The following GRIK2 variants were observed in gnomAD, a reference collection of about 807,000 sequenced individuals.
GRIK2 encodes the protein glutamate ionotropic receptor kainate type subunit 2.
GRIK2 carries 32 observed loss-of-function variants against 100.3 expected under a neutral mutation model. The observed-to-expected ratio is 0.32, with a 90% CI of 0.24 to 0.43. The LOEUF (loss-of-function observed/expected upper bound fraction) is 0.43, where lower values mean the gene tolerates loss of function less well. Among genes scored for constraint, GRIK2 ranks in the 20% least tolerant of loss-of-function variants. The pLI is 1.00. For missense variants in GRIK2, 843 were observed against 1,114.9 expected, an observed-to-expected ratio of 0.76 and a Z score of 3.47; for synonymous variants, 417 against 389.4, an observed-to-expected ratio of 1.07 and a Z score of -0.83.
intron 14 of GRIK2, among the ~76,000 whole-genome samples, chr6:102,021,221 T>C (rs987181522): frequency 2.6e-5 from 4 of 151,778 alleles, no homozygotes; most frequent in Admixed American, 2.0e-4. Context: ...ATGTTGTTAT[T>C]ACTGGCATTG....
At chr6:101,755,545 A>G (rs1238452856) in intron 7 of GRIK2, among the ~76,000 whole-genome samples, 3 of 152,150 alleles carry the variant, frequency 2.0e-5, no homozygotes, top group Non-Finnish European at 4.4e-5. Flanking sequence ...GACTCTAGAG[A>G]GTTTTCGAGA....
intron 14 of GRIK2, among the ~76,000 whole-genome samples, chr6:101,996,926 C>T (rs1468208389): frequency 1.3e-5 from 2 of 152,114 alleles, no homozygotes; most frequent in African/African-American, 4.8e-5. Flanking sequence ...GGATGTAACT[C>T]AATTAAAAAT....
At chr6:101,823,952 C>A (rs1374575682) in intron 10 of GRIK2, among the ~76,000 whole-genome samples, 1 of 151,160 alleles carries the variant, frequency 6.6e-6, no homozygotes, top group Non-Finnish European at 1.5e-5. Context: ...ACTGCAACCT[C>A]CGCCTCCCAT....
chr6:102,042,696 G>C (rs1770655247), intron 15 of GRIK2, among the ~76,000 whole-genome samples: 2 of 151,578 alleles, frequency 1.3e-5, no homozygotes, highest in South Asian at 4.1e-4. Flanking sequence ...TTGGAAAAAA[G>C]CATAATAGTA....
chr6:101,588,047 G>A lies in GRIK2; in HGVS notation c.116-33902G>A, dbSNP rs78679249. Among the ~76,000 whole-genome samples the A allele has an allele frequency of 1.5e-3, 225 of 152,172 alleles. 1 individual carries two copies. The highest frequency in any genetic ancestry group is 5.3e-3 in the African/African-American group (220 of 41,538). ...ACAAGAGGAATAAGAGGGTATCATG[G>A]GTAAGATCAGTACAAGCATTCTCAG... On this transcript the variant is annotated intron_variant, in intron 2 of 16. Coordinates refer to ENST00000369134, the MANE Select transcript of GRIK2 (RefSeq NM_021956.5).
At chr6:101,812,700 T>C (rs751536573) in intron 9 of GRIK2, among the ~76,000 whole-genome samples, 7 of 152,032 alleles carry the variant, frequency 4.6e-5, no homozygotes, top group Non-Finnish European at 8.8e-5. Context: ...ATGATACTTA[T>C]TGTAGTAAGT....
intron 14 of GRIK2, among the ~76,000 whole-genome samples, chr6:102,029,132 G>A (rs910352438): frequency 1.3e-5 from 2 of 151,014 alleles, no homozygotes; most frequent in Admixed American, 6.6e-5. Flanking sequence ...CTGGTGTTCT[G>A]TCTCAGTCTT....
At chr6:101,940,939 T>C (rs1790919066) in intron 14 of GRIK2, among the ~76,000 whole-genome samples, 1 of 152,116 alleles carries the variant, frequency 6.6e-6, no homozygotes, top group Non-Finnish European at 1.5e-5. Flanking sequence ...CTTAAACATA[T>C]ATTTCATTTT....
At chr6:102,029,112 T>C (rs147664964) in intron 14 of GRIK2, among the ~76,000 whole-genome samples, 1 of 151,346 alleles carries the variant, frequency 6.6e-6, no homozygotes, top group Non-Finnish European at 1.5e-5. Context: ...TCTCAATTCC[T>C]GAGTCTTTCC....
chr6:101,461,694 G>A (rs905886597), intron 2 of GRIK2, among the ~76,000 whole-genome samples: 8 of 152,052 alleles, frequency 5.3e-5, no homozygotes, highest in African/African-American at 9.7e-5. Flanking sequence ...GGATTAAGAC[G>A]TGAACATATT....
At chr6:101,922,423 A>G (rs1243651228) in intron 12 of GRIK2, among the ~76,000 whole-genome samples, 1 of 152,138 alleles carries the variant, frequency 6.6e-6, no homozygotes, top group Non-Finnish European at 1.5e-5. Context: ...GTCATATGGG[A>G]AAACTAAATC....
At chr6:101,626,257 A>T (rs957762417) in intron 3 of GRIK2, 123 bp from the exon 4 acceptor site, 12 of 914,068 alleles carry the variant, frequency 1.3e-5, no homozygotes, top group Admixed American at 4.8e-5. Context: ...GTAGATATAT[A>T]TTTTTTAAAA....
chr6:101,997,527 C>T (rs1433844833), intron 14 of GRIK2, among the ~76,000 whole-genome samples: 2 of 152,074 alleles, frequency 1.3e-5, no homozygotes, highest in South Asian at 2.1e-4. Context: ...CTGCTCATCA[C>T]ATAGTATTTA....
intron 2 of GRIK2, among the ~76,000 whole-genome samples, chr6:101,611,539 C>T (rs1411606890): frequency 6.6e-6 from 1 of 151,738 alleles, no homozygotes; most frequent in Non-Finnish European, 1.5e-5. Flanking sequence ...AATGTGTATG[C>T]TTTGATGAGA....
Position 101,676,718 on chromosome 6 carries a change from C to T in GRIK2, c.637C>T (p.Pro213Ser). 1.2e-6 allele frequency: 2 copies of T among 1,606,468 alleles called. No individual in the cohort carries two copies. The highest frequency in any genetic ancestry group is 1.7e-6 in the Non-Finnish European group (2 of 1,174,340). The change falls in exon 5 of 17, where the codon CCC becomes TCC. Residue 213 changes from proline (P) to serine (S), a missense_variant. Pro to Ser is a moderately conservative substitution (Grantham distance 74). This residue lies in a region of GRIK2 where 519 missense variants were observed against 643.8 expected (regional missense o/e 0.81). Coordinates refer to ENST00000369134, the MANE Select transcript of GRIK2 (RefSeq NM_021956.5). ...QLPADTKDAKPLLKEMKRGKE... is the reference protein window; with the variant it reads ...QLPADTKDAKSLLKEMKRGKE... ...ACCTGCTGATACAAAGGATGCAAAACCCTTACTAAAAGAAATGAAAAGAGG... is the reference window on the plus strand; with the variant it reads ...ACCTGCTGATACAAAGGATGCAAAATCCTTACTAAAAGAAATGAAAAGAGG...
At chr6:101,528,848 C>T (rs1261580940) in intron 2 of GRIK2, among the ~76,000 whole-genome samples, 1 of 152,140 alleles carries the variant, frequency 6.6e-6, no homozygotes, top group Non-Finnish European at 1.5e-5. Context: ...CATGATGATA[C>T]TACAGACTCA....
chr6:101,468,171 G>A (rs985075554), intron 2 of GRIK2, among the ~76,000 whole-genome samples: 4 of 152,122 alleles, frequency 2.6e-5, no homozygotes, highest in Admixed American at 6.6e-5. Flanking sequence ...AGCCTCTTAG[G>A]AACTTGCATG....
At chr6:101,396,248 C>T (rs1435554890) in intron 1 of GRIK2, among the ~76,000 whole-genome samples, 2 of 149,150 alleles carry the variant, frequency 1.3e-5, no homozygotes, top group Non-Finnish European at 1.5e-5. Flanking sequence ...GCATTCCCCC[C>T]CCCCCCAGGA....
At chr6:101,686,147 C>A in intron 6 of GRIK2, 33 bp from the exon 7 acceptor site, 2 of 1,576,632 alleles carry the variant, frequency 1.3e-6, no homozygotes, top group African/African-American at 1.4e-5. Context: ...ATACTCTGTC[C>A]ATAATAACAA....
Sources: allele counts gnomAD v4.1 joint callset (sites outside exome capture counted in the v4.1 genomes callset), GRCh38; gene constraint gnomAD v4.1.1; regional missense constraint gnomAD v4.1.1; transcripts MANE v1.5; gene names NCBI Gene and HGNC (gene_info 2026-07-23, HGNC 2026-07-21).